Variants in QTMAN observed in about 807,000 individuals in gnomAD.
QTMAN encodes the protein queuosine-tRNA mannosyltransferase, also known as tRNA-queuosine alpha-mannosyltransferase.
the QTMAN span, among the ~76,000 whole-genome samples, chr2:143,956,784 A>AT: frequency 0.038 from 5,757 of 150,762 alleles, 216 homozygotes; most frequent in East Asian, 0.16. Context: ...TAATTTAATC[A>AT]TTTTTTTTTC....
At chr2:144,149,675 TC>T in the QTMAN span, among the ~76,000 whole-genome samples, 1 of 152,022 alleles carries the variant, frequency 6.6e-6, no homozygotes, top group Non-Finnish European at 1.5e-5. Flanking sequence ...TTAACACCAT[TC>T]CATGTATTTG....
the QTMAN span, among the ~76,000 whole-genome samples, chr2:144,154,507 A>G: frequency 6.6e-6 from 1 of 152,242 alleles, no homozygotes; most frequent in East Asian, 1.9e-4. Context: ...GGAGAAATAA[A>G]GAGACATGTT....
chr2:144,077,376 T>C, the QTMAN span, among the ~76,000 whole-genome samples: 3 of 152,214 alleles, frequency 2.0e-5, no homozygotes, highest in Non-Finnish European at 2.9e-5. Flanking sequence ...ATAAATTTCA[T>C]CTGTGGTAAA....
At chr2:144,092,823 G>C in the QTMAN span, among the ~76,000 whole-genome samples, 2 of 150,656 alleles carry the variant, frequency 1.3e-5, no homozygotes, top group Non-Finnish European at 3.0e-5. Flanking sequence ...GGTACTTAAA[G>C]AACACTATCT....
the QTMAN span, among the ~76,000 whole-genome samples, chr2:144,114,776 G>A: frequency 6.6e-6 from 1 of 152,232 alleles, no homozygotes; most frequent in South Asian, 2.1e-4. Flanking sequence ...ATTGTATAAC[G>A]GACTTGTTAT....
At chr2:143,978,336 T>A in the QTMAN span, among the ~76,000 whole-genome samples, 47 of 152,210 alleles carry the variant, frequency 3.1e-4, no homozygotes, top group Admixed American at 2.9e-3. Context: ...ACTCATTCCA[T>A]CCTGAAGGCC....
chr2:144,216,297 C>T, the QTMAN span, among the ~76,000 whole-genome samples: 6 of 152,170 alleles, frequency 3.9e-5, no homozygotes, highest in South Asian at 6.2e-4. Flanking sequence ...TGTAGTCACA[C>T]GTTCTGCTTC....
chr2:144,077,909 G>A, the QTMAN span, among the ~76,000 whole-genome samples: 26 of 152,244 alleles, frequency 1.7e-4, no homozygotes, highest in East Asian at 2.9e-3. Context: ...ATTGTTTTAC[G>A]TATCTGAAGT....
the QTMAN span, among the ~76,000 whole-genome samples, chr2:144,016,398 A>G: frequency 1.3e-5 from 2 of 152,198 alleles, no homozygotes; most frequent in African/African-American, 4.8e-5. Flanking sequence ...ACCTCACTTA[A>G]TATGATGATA....
At chr2:143,962,845 G>GTAGAGTAA in the QTMAN span, among the ~76,000 whole-genome samples, 1 of 152,170 alleles carries the variant, frequency 6.6e-6, no homozygotes, top group African/African-American at 2.4e-5. Context: ...TAAACAAAGG[G>GTAGAGTAA]TAGAGTAATA....
At chr2:144,063,707 T>C in the QTMAN span, among the ~76,000 whole-genome samples, 6 of 151,050 alleles carry the variant, frequency 4.0e-5, no homozygotes, top group South Asian at 1.1e-3. Context: ...TCTTGAGGAG[T>C]TGAAACTATT....
the QTMAN span, among the ~76,000 whole-genome samples, chr2:143,973,856 G>A: frequency 1.3e-5 from 2 of 151,638 alleles, no homozygotes; most frequent in South Asian, 4.2e-4. Context: ...ACAAATATTT[G>A]GCTACAGCCA....
chr2:143,944,258 C>CA, the QTMAN span: 3 of 152,120 alleles, frequency 2.0e-5, no homozygotes, highest in Non-Finnish European at 4.4e-5. Flanking sequence ...CACACACACA[C>CA]ACACTCCTAC....
At chr2:144,318,579 T>A in the QTMAN span, among the ~76,000 whole-genome samples, 1 of 152,236 alleles carries the variant, frequency 6.6e-6, no homozygotes, top group African/African-American at 2.4e-5. Context: ...TGTGTGCAAC[T>A]TCCACTATCC....
At chr2:144,012,658 T>C in the QTMAN span, among the ~76,000 whole-genome samples, 1 of 152,176 alleles carries the variant, frequency 6.6e-6, no homozygotes, top group African/African-American at 2.4e-5. Context: ...TAAAAAGTAC[T>C]TACTATGGTA....
At chr2:144,045,680 T>C in the QTMAN span, among the ~76,000 whole-genome samples, 1 of 152,198 alleles carries the variant, frequency 6.6e-6, no homozygotes, top group African/African-American at 2.4e-5. Flanking sequence ...CATTTATAAG[T>C]ATTAGTTGTA....
At chr2:144,021,611 G>A in the QTMAN span, among the ~76,000 whole-genome samples, 8 of 152,166 alleles carry the variant, frequency 5.3e-5, no homozygotes, top group Non-Finnish European at 1.5e-5. Context: ...GGCCAACACT[G>A]AGCAGATGAA....
At chr2:144,025,066 G>A in the QTMAN span, among the ~76,000 whole-genome samples, 25 of 152,174 alleles carry the variant, frequency 1.6e-4, no homozygotes, top group African/African-American at 5.1e-4. Context: ...TAATGCTGAG[G>A]ATTAATACCT....
chr2:144,012,366 G>A, the QTMAN span, among the ~76,000 whole-genome samples: 5 of 152,246 alleles, frequency 3.3e-5, no homozygotes, highest in South Asian at 6.2e-4. Flanking sequence ...CATATCAGCC[G>A]GGAAAAGACT....
Sources: allele counts gnomAD v4.1 joint callset (sites outside exome capture counted in the v4.1 genomes callset), GRCh38; gene constraint gnomAD v4.1.1; transcripts MANE v1.5; gene names NCBI Gene and HGNC (gene_info 2026-07-23, HGNC 2026-07-21).